Variants in DMD observed in about 807,000 individuals in gnomAD.
DMD encodes the protein dystrophin, also known as mutant dystrophin.
A neutral mutation model predicts 330.1 loss-of-function variants in DMD; 63 were observed. The ratio of observed to expected loss-of-function variants is 0.19; its 90% CI spans 0.16 to 0.24. The LOEUF (loss-of-function observed/expected upper bound fraction) is 0.24, where lower values mean the gene tolerates loss of function less well. Ranked by LOEUF, DMD falls within the 10% of genes least tolerant of loss-of-function variation. The pLI is 1.00. For missense variants in DMD, 3,344 were observed against 2,684.1 expected (o/e 1.25, Z -5.43); for synonymous variants, 1,223 against 959.8 (o/e 1.27, Z -5.07).
intron 30 of DMD, among the ~76,000 whole-genome samples, chrX:32,410,515 A>G (rs1157730654): frequency 8.9e-6 from 1 of 111,769 alleles, no homozygotes; most frequent in African/African-American, 3.2e-5. Flanking sequence ...ACCATGATCT[A>G]CAAATCTAAT....
chrX:31,607,591 A>C (rs895245460), intron 55 of DMD, among the ~76,000 whole-genome samples: 7 of 112,440 alleles, frequency 6.2e-5, no homozygotes, highest in Non-Finnish European at 1.1e-4. Flanking sequence ...CTTTGAATTG[A>C]CTTGGCTGTG....
At chrX:31,579,607 G>A (rs5927020) in intron 55 of DMD, among the ~76,000 whole-genome samples, 16,507 of 111,214 alleles carry the variant, frequency 0.15, 928 homozygotes, top group Middle Eastern at 0.25. Flanking sequence ...CTGTATTAAG[G>A]AAAAAAACAC....
intron 65 of DMD, among the ~76,000 whole-genome samples, chrX:31,208,716 C>T (rs188530640): frequency 9.0e-6 from 1 of 111,297 alleles, no homozygotes; most frequent in African/African-American, 3.3e-5. Flanking sequence ...GAAAACCTTC[C>T]CAGATTTCCA....
At chrX:33,279,363 A>G (rs1206696650) in intron 1 of DMD, among the ~76,000 whole-genome samples, 2 of 110,817 alleles carry the variant, frequency 1.8e-5, no homozygotes, top group Admixed American at 9.6e-5. Context: ...ATTTTTTTTC[A>G]CTCAGTATAA....
chrX:32,441,315 C>G lies in DMD; in HGVS notation c.3787-1G>C. ...ACTCATGCCAACATGCCCAAACTTCCTAAGAAAGAAATATATATCACAGAT... is the reference window on the plus strand; with the variant it reads ...ACTCATGCCAACATGCCCAAACTTCGTAAGAAAGAAATATATATCACAGAT... On this transcript the variant is annotated splice_acceptor_variant, in intron 27 of 78. Transcript: ENST00000357033. LOFTEE classifies it high-confidence loss of function. 8.3e-7 allele frequency: 1 copy of G among 1,204,364 alleles called. No individual in the cohort carries two copies. Among genetic ancestry groups the G allele is most frequent in the Non-Finnish European group, 1.1e-6 (1 of 889,901 alleles).
At chrX:31,906,053 A>T (rs2094474546) in intron 47 of DMD, among the ~76,000 whole-genome samples, 1 of 111,549 alleles carries the variant, frequency 9.0e-6, no homozygotes, top group Non-Finnish European at 1.9e-5. Context: ...CCTGGGAGGG[A>T]TCAGGTGGAG....
In DMD at chrX:32,468,630, C is replaced by T. The variant is rs72468666; in HGVS notation, c.3030G>A (p.Ala1010=). The part of the protein sequence containing the change: ...STTVKEMSKK[A]PSEISRKYQS... ...GATATTTCCGGCTAATTTCAGAGGGCGCTTTCTTCGACATCTCTTTCACAG... is the reference window on the plus strand; with the variant it reads ...GATATTTCCGGCTAATTTCAGAGGGTGCTTTCTTCGACATCTCTTTCACAG... Residue 1010 remains alanine, a synonymous_variant, in exon 23 of 79, where the codon GCG becomes GCA. Coordinates refer to ENST00000357033, the MANE Select transcript of DMD (RefSeq NM_004006.3). 36 of 1,209,137 alleles carry T rather than the reference C, an allele frequency of 3.0e-5. No homozygotes were observed. Among genetic ancestry groups the T allele is most frequent in the South Asian group, 2.6e-4 (15 of 56,797 alleles).
intron 1 of DMD, among the ~76,000 whole-genome samples, chrX:33,322,386 G>A (rs755891891): frequency 9.1e-6 from 1 of 109,538 alleles, no homozygotes; most frequent in Non-Finnish European, 1.9e-5. Context: ...AGACAGATGT[G>A]GGGGGGTGGG....
intron 7 of DMD, among the ~76,000 whole-genome samples, chrX:32,723,471 A>C (rs1303454913): frequency 9.0e-6 from 1 of 111,655 alleles, no homozygotes; most frequent in African/African-American, 3.2e-5. Context: ...TCTATTATTT[A>C]GAAGATTTTA....
chrX:33,190,144 T>C (rs1208816835), intron 1 of DMD, among the ~76,000 whole-genome samples: 1 of 110,999 alleles, frequency 9.0e-6, no homozygotes, highest in Non-Finnish European at 1.9e-5. Flanking sequence ...GGTATCATGA[T>C]CCTTATAGTC....
At chrX:32,006,181 T>C (rs968168603) in intron 44 of DMD, among the ~76,000 whole-genome samples, 2 of 111,764 alleles carry the variant, frequency 1.8e-5, no homozygotes, top group Non-Finnish European at 3.8e-5. Context: ...CCAACAGCTA[T>C]ATATCTAGAA....
intron 1 of DMD, among the ~76,000 whole-genome samples, chrX:33,087,184 T>C (rs1404694203): frequency 2.7e-5 from 3 of 111,861 alleles, no homozygotes; most frequent in Non-Finnish European, 5.6e-5. Context: ...TTAAAAGCTT[T>C]CAGAGGATTC....
At chrX:31,944,325 T>G (rs10127066) in intron 45 of DMD, among the ~76,000 whole-genome samples, 18,569 of 111,610 alleles carry the variant, frequency 0.17, 1,329 homozygotes, top group East Asian at 0.4. Context: ...TTAAGCTAAC[T>G]TTTAAAGAGA....
intron 8 of DMD, 117 bp downstream of exon 8, chrX:32,698,995 T>G: frequency 1.5e-6 from 1 of 648,155 alleles, no homozygotes. Context: ...TACATTAGGC[T>G]TTGTATATAT....
chrX:32,796,209 T>C lies in DMD; in HGVS notation c.649+13284A>G, dbSNP rs780703706. Among the ~76,000 whole-genome samples, 12 of 111,494 alleles carry C rather than the reference T, an allele frequency of 1.1e-4. No homozygotes were observed. The South Asian group carries it at 4.5e-3, about 42-fold the overall frequency. On this transcript the variant is annotated intron_variant, in intron 7 of 78. Coordinates refer to ENST00000357033, the MANE Select transcript of DMD (RefSeq NM_004006.3). ...TGCATGCTTATTGAGGCACTATTTA[T>C]AATAGCAACTTAAGTGTCCATTAGT...
chrX:32,477,420 T>G (rs1250938785), intron 21 of DMD, among the ~76,000 whole-genome samples: 1 of 110,876 alleles, frequency 9.0e-6, no homozygotes, highest in Non-Finnish European at 1.9e-5. Context: ...AAAGAAGTTT[T>G]CTGCACCTTT....
chrX:32,872,267 C>T (rs2083058131), intron 2 of DMD, among the ~76,000 whole-genome samples: 1 of 111,720 alleles, frequency 9.0e-6, no homozygotes, highest in Non-Finnish European at 1.9e-5. Context: ...AGCTTTTTGA[C>T]CTGCTAAGCT....
chrX:32,388,341 C>CTTTTTTT (rs3044988), intron 32 of DMD, among the ~76,000 whole-genome samples: 39 of 78,568 alleles, frequency 5.0e-4, no homozygotes, highest in African/African-American at 8.6e-4. Flanking sequence ...TTATGCTTTC[C>CTTTTTTT]TTTTTTTTTT....
At chrX:32,164,655 G>A (rs180942832) in intron 44 of DMD, among the ~76,000 whole-genome samples, 2 of 111,854 alleles carry the variant, frequency 1.8e-5, no homozygotes, top group East Asian at 5.7e-4. Flanking sequence ...GTAGAAATTT[G>A]CATATTTAAC....
Sources: allele counts gnomAD v4.1 joint callset (sites outside exome capture counted in the v4.1 genomes callset), GRCh38; gene constraint gnomAD v4.1.1; transcripts MANE v1.5; gene names NCBI Gene and HGNC (gene_info 2026-07-23, HGNC 2026-07-21).